MUC12: variants seen among roughly 807,000 people sequenced by gnomAD.
MUC12 encodes mucin 12, cell surface associated.
A neutral mutation model predicts 230.8 loss-of-function variants in MUC12; 172 were observed. That is an observed-to-expected ratio of 0.75 (90% CI 0.66 to 0.85). The LOEUF is 0.85. MUC12 is among the 40% of genes least tolerant of loss of function. The pLI, the probability that MUC12 is intolerant of heterozygous loss-of-function variation, is 0.00. For synonymous variants in MUC12, 1,259 were observed against 2,401.9 expected, an observed-to-expected ratio of 0.52 and a Z score of 13.91; for missense variants, 3,506 against 5,920.6, an observed-to-expected ratio of 0.59 and a Z score of 13.38.
intron 10 of MUC12, 36 bp from the exon 11 acceptor site, chr7:101,017,539 A>G (rs1407716029): frequency 5.1e-6 from 7 of 1,378,532 alleles, no homozygotes. Context: ...TCCCCCTACC[A>G]AGGCTCCCAT....
chr7:100,977,821 G>T (rs1793055572), intron 1 of MUC12, among the ~76,000 whole-genome samples: 2 of 152,050 alleles, frequency 1.3e-5, no homozygotes, highest in South Asian at 4.2e-4. Context: ...ACTGGCCTCG[G>T]CCTCTCAAAG....
At chr7:100,973,972 G>C (rs796658127) in intron 1 of MUC12, among the ~76,000 whole-genome samples, 2 of 151,558 alleles carry the variant, frequency 1.3e-5, no homozygotes, top group South Asian at 4.2e-4. Flanking sequence ...GGGCAACATA[G>C]GGAGACCCCA....
chr7:101,009,409 C>T (rs1793808498), intron 5 of MUC12, among the ~76,000 whole-genome samples: 1 of 152,156 alleles, frequency 6.6e-6, no homozygotes, highest in South Asian at 2.1e-4. Context: ...TCCTTGAGCT[C>T]AGAGTGGCAG....
Position 101,014,083 on chromosome 7 carries a change from G to T in MUC12, c.15800+9G>T. 6.5e-7 allele frequency: 1 copy of T among 1,527,262 alleles called. No individual in the cohort carries two copies. 94.6% of individuals were successfully genotyped at this position (1,527,262 alleles called of 1,614,324 possible). ...CAGAGAAAACGGCACAGGTGAGCTT[G>T]TGAGGCCAGCACCGCAGGCCCACAC... On this transcript the variant is annotated intron_variant, in intron 9 of 11. Coordinates refer to ENST00000536621, the MANE Select transcript of MUC12 (RefSeq NM_001164462.2).
chr7:100,989,099 CT>C (rs61570080), intron 1 of MUC12, among the ~76,000 whole-genome samples: 305 of 133,970 alleles, frequency 2.3e-3, no homozygotes, highest in African/African-American at 6.8e-3. Flanking sequence ...TCCTCTTCTT[CT>C]TTTTTTTTTT....
At chr7:101,005,998 ATG>A (rs2116346808) in intron 2 of MUC12, among the ~76,000 whole-genome samples, 1 of 152,144 alleles carries the variant, frequency 6.6e-6, no homozygotes, top group East Asian at 1.9e-4. Flanking sequence ...GGTTTTTACC[ATG>A]TTGACCAAGC....
At position 100,994,601 on chromosome 7, in the gene MUC12, C is replaced by T. The variant is rs1416800718; in HGVS notation, c.4038C>T (p.Thr1346=). The stretch of plus-strand genomic sequence containing the variant: ...CAGCATTCCCTGACAGCACCACCAC[C>T]TCAGACCTCAGTCAGGAACCTACAA... ...HTTAFPDSTT[T]SDLSQEPTTS... is the part of the protein sequence containing the mutation. The change falls in exon 2 of 12, where the codon ACC becomes ACT. Residue 1346 remains threonine (T), a synonymous_variant. Coordinates refer to ENST00000536621, the MANE Select transcript of MUC12 (RefSeq NM_001164462.2). 1.2e-5 allele frequency: 10 copies of T among 843,228 alleles called. 3 individuals carry two copies. The highest frequency in any genetic ancestry group is 1.5e-5 in the Non-Finnish European group (9 of 616,866). The allele number at this position is 843,228 out of a possible 1,614,324, so 52.2% of individuals were successfully genotyped here.
chr7:100,974,713 T>C (rs934294350), intron 1 of MUC12, among the ~76,000 whole-genome samples: 1 of 152,276 alleles, frequency 6.6e-6, no homozygotes, highest in Non-Finnish European at 1.5e-5. Context: ...TAGTCCCAGC[T>C]ACTTGGGAGG....
intron 9 of MUC12, 65 bp from the exon 10 acceptor site, chr7:101,015,550 C>A: frequency 1.4e-6 from 2 of 1,397,950 alleles, no homozygotes; most frequent in East Asian, 2.5e-5. Context: ...AGCTGAAGGT[C>A]AGGGTCCACC....
chr7:101,014,942 CT>C (rs1323572837), intron 9 of MUC12, among the ~76,000 whole-genome samples: 1 of 152,182 alleles, frequency 6.6e-6, no homozygotes, highest in East Asian at 1.9e-4. Flanking sequence ...GCTGTCACCC[CT>C]GGCTGTCTGA....
At chr7:100,989,327 C>T (rs1469726473) in intron 1 of MUC12, among the ~76,000 whole-genome samples, 2 of 152,040 alleles carry the variant, frequency 1.3e-5, no homozygotes, top group African/African-American at 4.8e-5. Flanking sequence ...AGGCTCATCT[C>T]GAACTCCTGA....
chr7:100,993,093 A>T lies in MUC12; in HGVS notation c.2530A>T (p.Ser844Cys). Residue 844 changes from serine to cysteine, a missense_variant, in exon 2 of 12, where the codon AGC (serine) becomes TGC (cysteine). Coordinates refer to ENST00000536621, the MANE Select transcript of MUC12 (RefSeq NM_001164462.2). ...ATTLSPASTTSSGVSEESTTS... is the reference protein window; with the variant it reads ...ATTLSPASTTCSGVSEESTTS... ...AACACTCTCACCTGCCAGCACGACA[A>T]GCTCAGGCGTCAGTGAAGAATCCAC... The T allele has an allele frequency of 6.5e-7, 1 of 1,531,200 alleles. No individual in the cohort carries two copies. The highest frequency in any genetic ancestry group is 8.7e-7 in the Non-Finnish European group (1 of 1,146,272). 94.9% of individuals were successfully genotyped at this position (1,531,200 alleles called of 1,614,324 possible). A position where few individuals can be genotyped will look rare whatever the true frequency, so the allele number is the denominator to read the frequency against.
In MUC12 at chr7:101,005,040, A is replaced by C. The variant is rs762316489; in HGVS notation, c.14477A>C (p.His4826Pro). The C allele has an allele frequency of 1.3e-6, 2 of 1,537,786 alleles. No homozygotes were observed. Among genetic ancestry groups the C allele is most frequent in the South Asian group, 1.2e-5 (1 of 84,066 alleles). The stretch of plus-strand genomic sequence containing the variant: ...TTTGCTCAAGAATTTACCACCCCTC[A>C]TAGCCAACCAGGCTCAGCTCTGTCA... ...SSFAQEFTTP[H>P]SQPGSALSTV... The change falls in exon 2 of 12, where the codon CAT becomes CCT. Residue 4826 changes from histidine (H) to proline (P), a missense_variant. Coordinates refer to ENST00000536621, the MANE Select transcript of MUC12 (RefSeq NM_001164462.2).
Position 100,991,490 on chromosome 7 carries a change from G to A in MUC12, c.927G>A (p.Pro309=), listed in dbSNP as rs1043638982. Residue 309 remains proline (P), a synonymous_variant, in exon 2 of 12, where the codon CCG becomes CCA. Transcript: ENST00000536621. ...VKLSTTYHSS[P]SSTPTTHFSA... ...TATCTACAACTTATCACAGCAGCCC[G>A]AGCTCAACTCCAACAACCCACTTTT... The A allele has an allele frequency of 1.0e-4, 160 of 1,536,956 alleles. No homozygotes were observed. The highest frequency in any genetic ancestry group is 1.4e-4 in the Admixed American group (7 of 50,932).
At chr7:101,017,318 G>C in intron 10 of MUC12, 1 of 448,658 alleles carries the variant, frequency 2.2e-6, no homozygotes, top group Non-Finnish European at 4.0e-6. Context: ...CTCCTCCGTG[G>C]CCCCCGCTTC....
chr7:101,017,677 G>A lies in MUC12; in HGVS notation c.15966+14G>A. 5 of 1,530,582 alleles carry A rather than the reference G, an allele frequency of 3.3e-6. No homozygotes were observed. The highest frequency in any genetic ancestry group is 1.4e-5 in the African/African-American group (1 of 72,848). The allele number at this position is 1,530,582 out of a possible 1,614,324, so 94.8% of individuals were successfully genotyped here. ...TCTGGCACAGAGGTGACTCAGCTGC[G>A]AGCTGCCCCCACCCCCTGAGGCTGC... On this transcript the variant is annotated intron_variant, in intron 11 of 11. Coordinates refer to ENST00000536621, the MANE Select transcript of MUC12 (RefSeq NM_001164462.2).
rs1297739074 is a variant in MUC12, at chr7:101,004,155, C to CA, written c.13593dup (p.Ala4532SerfsTer13). ...ATCAGTTCAGGCTCAATGGAAACGA[C>CA]AGCGTTACCCGGCAGTACCACAACG... On this transcript the variant is annotated frameshift_variant, in exon 2 of 12. Transcript: ENST00000536621. LOFTEE classifies it high-confidence loss of function. 6.0e-6 allele frequency: 4 copies of CA among 665,956 alleles called. No individual in the cohort carries two copies. In the East Asian group the frequency reaches 1.3e-4, roughly 21 times the overall value. 41.3% of individuals were successfully genotyped at this position (665,956 alleles called of 1,614,324 possible). A position where few individuals can be genotyped will look rare whatever the true frequency, so the allele number is the denominator to read the frequency against.
chr7:100,987,698 C>T (rs554775417), intron 1 of MUC12, among the ~76,000 whole-genome samples: 2 of 152,092 alleles, frequency 1.3e-5, no homozygotes, highest in African/African-American at 4.8e-5. Context: ...GTGGGCCAGG[C>T]GCGGTGGCTC....
chr7:101,007,195 G>T (rs958515210), intron 3 of MUC12, among the ~76,000 whole-genome samples: 30 of 152,196 alleles, frequency 2.0e-4, no homozygotes, highest in Admixed American at 1.9e-3. Flanking sequence ...CTGATCTTAG[G>T]TGATCCTCCT....
Sources: allele counts gnomAD v4.1 joint callset (sites outside exome capture counted in the v4.1 genomes callset), GRCh38; gene constraint gnomAD v4.1.1; transcripts MANE v1.5; gene names NCBI Gene and HGNC (gene_info 2026-07-23, HGNC 2026-07-21).